The following MIEF2 variants were observed in gnomAD, a reference collection of about 807,000 sequenced individuals.
The protein encoded by MIEF2 is mitochondrial dynamics protein MID49.
Under a neutral mutation model 7.4 loss-of-function variants are expected in MIEF2, and 1 was observed. The ratio of observed to expected loss-of-function variants is 0.14; its 90% CI spans 0.05 to 0.64. The LOEUF (loss-of-function observed/expected upper bound fraction) is 0.64. Ranked by LOEUF, MIEF2 falls within the 30% of genes least tolerant of loss-of-function variation. The pLI, the probability that MIEF2 is intolerant of heterozygous loss-of-function variation, is 0.85. For missense variants in MIEF2, 569 were observed against 623.9 expected (o/e 0.91, Z 0.94); for synonymous variants, 275 against 290.5 (o/e 0.95, Z 0.54).
rs753366650 is a variant in MIEF2, at chr17:18,263,905, C to G, written c.506C>G (p.Pro169Arg). 1 of 1,601,414 alleles carries G rather than the reference C, an allele frequency of 6.2e-7. No individual in the cohort carries two copies. Among genetic ancestry groups the G allele is most frequent in the Non-Finnish European group, 8.5e-7 (1 of 1,179,416 alleles). The change falls in exon 4 of 4, where the codon CCG becomes CGG. Residue 169 changes from proline (P) to arginine (R), a missense_variant. Coordinates refer to ENST00000323019, the MANE Select transcript of MIEF2 (RefSeq NM_139162.4). ...CAGGCCTACTTTCGGAGCAAGTTCCCGGAACTGCCCTTTGGGGCATTCGTG... is the reference window on the plus strand; with the variant it reads ...CAGGCCTACTTTCGGAGCAAGTTCCGGGAACTGCCCTTTGGGGCATTCGTG... ...ELQAYFRSKF[P>R]ELPFGAFVPG...
Position 18,264,694 on chromosome 17 carries a change from G to A in MIEF2, c.1295G>A (p.Arg432His), listed in dbSNP as rs759887808. 8.1e-6 allele frequency: 13 copies of A among 1,612,706 alleles called. No homozygotes were observed. Among genetic ancestry groups the A allele is most frequent in the Admixed American group, 1.7e-5 (1 of 59,988 alleles). Reference sequence around the variant, plus strand: ...AGCGTGAACCTCTTCAGCAGCTTGCGTGAGGAGGAGATTGACGACATTGGC... The same window carrying A: ...AGCGTGAACCTCTTCAGCAGCTTGCATGAGGAGGAGATTGACGACATTGGC... ...NPSVNLFSSL[R>H]EEEIDDIGYA... is the part of the protein sequence containing the mutation. The change falls in exon 4 of 4, where the codon CGT becomes CAT. Residue 432 changes from arginine (R) to histidine (H), a missense_variant. Physicochemically the swap from Arg to His is conservative, Grantham distance 29. Transcript: ENST00000323019.
Position 18,263,896 on chromosome 17 carries a change from G to T in MIEF2, c.497G>T (p.Ser166Ile). ...IALELQAYFRSKFPELPFGAF... is the reference protein window; with the variant it reads ...IALELQAYFRIKFPELPFGAF... ...CTGGAGCTGCAGGCCTACTTTCGGA[G>T]CAAGTTCCCGGAACTGCCCTTTGGG... The change falls in exon 4 of 4, where the codon AGC (serine) becomes ATC (isoleucine). Residue 166 changes from serine to isoleucine, a missense_variant. Transcript: ENST00000323019. The T allele has an allele frequency of 6.2e-7, 1 of 1,602,180 alleles. No individual in the cohort carries two copies.
intron 3 of MIEF2, chr17:18,263,490 T>G (rs779384441): frequency 3.5e-5 from 29 of 832,458 alleles, no homozygotes; most frequent in Middle Eastern, 2.2e-4. Context: ...ACCTACCTAC[T>G]CTGCATGAAG....
rs1358688250 is a variant in MIEF2 at position 18,264,402 on chromosome 17, T to C, written c.1003T>C (p.Tyr335His). 4.4e-6 allele frequency: 7 copies of C among 1,601,208 alleles called. No individual in the cohort carries two copies. Among genetic ancestry groups the C allele is most frequent in the Non-Finnish European group, 5.1e-6 (6 of 1,179,818 alleles). ...LAGNLWLQDL[Y>H]PVEAARLRAL... is the part of the protein sequence containing the mutation. ...GGGGAACCTCTGGCTGCAGGACCTGTATCCAGTGGAGGCTGCTAGGCTGCG... is the reference window on the plus strand; with the variant it reads ...GGGGAACCTCTGGCTGCAGGACCTGCATCCAGTGGAGGCTGCTAGGCTGCG... Residue 335 changes from tyrosine to histidine, a missense_variant, in exon 4 of 4, where the codon TAT (tyrosine) becomes CAT (histidine). By Grantham distance (83) the Tyr-to-His change is moderately conservative. Coordinates refer to ENST00000323019, the MANE Select transcript of MIEF2 (RefSeq NM_139162.4).
chr17:18,263,267 CCT>C lies in MIEF2; in HGVS notation c.310+22_310+23del, dbSNP rs1435057871. ...GCCCCAGGTGAGTGGCACTCCTTCC[CCT>C]CTTTTGGTGTCACATTCAAGAGACG... On this transcript the variant is annotated intron_variant, in intron 3 of 3. Coordinates refer to ENST00000323019, the MANE Select transcript of MIEF2 (RefSeq NM_139162.4). 4 of 1,613,796 alleles carry C rather than the reference CCT, an allele frequency of 2.5e-6. No individual in the cohort carries two copies.
rs756362078 is a variant in MIEF2, at chr17:18,263,964, G to A, written c.565G>A (p.Gly189Arg). 5.2e-5 allele frequency: 83 copies of A among 1,582,986 alleles called. No homozygotes were observed. Among genetic ancestry groups the A allele is most frequent in the Admixed American group, 2.0e-4 (12 of 59,050 alleles). Reference protein sequence around the residue: ...GGPLYDGLQAGAADHVRLLVP... With the variant: ...GGPLYDGLQARAADHVRLLVP... The stretch of plus-strand genomic sequence containing the variant: ...GCCGCTCTACGACGGGCTGCAGGCG[G>A]GGGCTGCGGACCATGTGCGTCTCCT... The change falls in exon 4 of 4, where the codon GGG becomes AGG. Residue 189 changes from glycine (G) to arginine (R), a missense_variant. Gly to Arg is a moderately radical substitution (Grantham distance 125). Coordinates refer to ENST00000323019, the MANE Select transcript of MIEF2 (RefSeq NM_139162.4).
At chr17:18,262,909 A>T in intron 2 of MIEF2, 42 bp downstream of exon 2, 2 of 1,525,266 alleles carry the variant, frequency 1.3e-6, no homozygotes, top group Non-Finnish European at 1.8e-6. Flanking sequence ...CTCCTAGAGG[A>T]GGACAACAGG....
At position 18,262,887 on chromosome 17, in the gene MIEF2, T is replaced by G; in HGVS notation, c.147+20T>G. ...AAGCGGGTAAGGCCAAGTGGGCGGG[T>G]CATGCCTGAAGCTCCTAGAGGAGGA... On this transcript the variant is annotated intron_variant, in intron 2 of 3. Transcript: ENST00000323019. 1 of 1,530,746 alleles carries G rather than the reference T, an allele frequency of 6.5e-7. No homozygotes were observed. The highest frequency in any genetic ancestry group is 8.8e-7 in the Non-Finnish European group (1 of 1,138,792). The allele number at this position is 1,530,746 out of a possible 1,614,324, so 94.8% of individuals were successfully genotyped here.
Position 18,264,068 on chromosome 17 carries a change from G to A in MIEF2, c.669G>A (p.Trp223Ter). The A allele has an allele frequency of 6.4e-7, 1 of 1,553,710 alleles. No individual in the cohort carries two copies. The highest frequency in any genetic ancestry group is 8.7e-7 in the Non-Finnish European group (1 of 1,154,536). Residue 223 changes from tryptophan to a stop codon, truncating the protein, a stop_gained, in exon 4 of 4, where the codon TGG becomes TGA. Coordinates refer to ENST00000323019, the MANE Select transcript of MIEF2 (RefSeq NM_139162.4). LOFTEE classifies it low-confidence loss of function (END_TRUNC). The part of the protein sequence containing the change: ...VDTVARDPRC[W>*]AVRRTQLEFC... ...CTGTGGCGAGGGACCCTCGCTGCTG[G>A]GCCGTGCGCAGGACGCAGCTTGAGT...
At chr17:18,263,578 T>C (rs1265943635) in intron 3 of MIEF2, 132 bp from the exon 4 acceptor site, 3 of 1,221,290 alleles carry the variant, frequency 2.5e-6, no homozygotes, top group Non-Finnish European at 3.3e-6. Context: ...GGATCTGAAC[T>C]GAGTGCCTTC....
rs1460207448 is a variant in MIEF2, at chr17:18,265,744, A to G, written c.*980A>G. On this transcript the variant is annotated 3_prime_UTR_variant, in exon 4 of 4. Coordinates refer to ENST00000323019, the MANE Select transcript of MIEF2 (RefSeq NM_139162.4). ...AACGAAGCTCAGCTTCGAAGATGTG[A>G]ACAAGAATAAAAGGAAAAAATTCTA... 6.6e-6 allele frequency: 1 copy of G among 152,486 alleles called. No individual in the cohort carries two copies. The highest frequency in any genetic ancestry group is 1.5e-5 in the Non-Finnish European group (1 of 68,046). The allele number at this position is 152,486 out of a possible 1,614,324, so 9.4% of individuals were successfully genotyped here.
In MIEF2 at chr17:18,263,789, G is replaced by T. The variant is rs751589813; in HGVS notation, c.390G>T (p.Arg130Ser). The T allele has an allele frequency of 6.2e-7, 1 of 1,610,920 alleles. No individual in the cohort carries two copies. The highest frequency in any genetic ancestry group is 8.5e-7 in the Non-Finnish European group (1 of 1,179,704). Residue 130 changes from arginine (R) to serine (S), a missense_variant, in exon 4 of 4, where the codon AGG (arginine) becomes AGT (serine). By Grantham distance (110) the Arg-to-Ser change is moderately radical. Coordinates refer to ENST00000323019, the MANE Select transcript of MIEF2 (RefSeq NM_139162.4). ...CGCTGTGTCTGACACTGCAGGAGAG[G>T]CTGCTGGCCTTCGAGCGGGACCGTG... Reference protein sequence around the residue: ...PAPLCLTLQERLLAFERDRVT... With the variant: ...PAPLCLTLQESLLAFERDRVT...
chr17:18,263,396 T>C (rs765116356), intron 3 of MIEF2, 148 bp downstream of exon 3: 1 of 1,180,020 alleles, frequency 8.5e-7, no homozygotes, highest in African/African-American at 1.5e-5. Context: ...GGTGTTTCTT[T>C]GCCCTGTTCC....
chr17:18,261,519 T>A (rs1978415276), intron 1 of MIEF2, among the ~76,000 whole-genome samples: 1 of 151,876 alleles, frequency 6.6e-6, no homozygotes, highest in Non-Finnish European at 1.5e-5. Context: ...CCCGGGAGAG[T>A]TCTGCTTGGT....
intron 1 of MIEF2, chr17:18,261,217 G>C (rs1236559407): frequency 6.5e-7 from 1 of 1,540,452 alleles, no homozygotes; most frequent in Non-Finnish European, 8.8e-7. Context: ...GGTCTCTCTG[G>C]GGGCGGGTGG....
chr17:18,263,868 G>A lies in MIEF2; in HGVS notation c.469G>A (p.Ala157Thr), dbSNP rs770837831. 8.1e-6 allele frequency: 13 copies of A among 1,604,428 alleles called. No individual in the cohort carries two copies. The highest frequency in any genetic ancestry group is 1.6e-4 in the Middle Eastern group (1 of 6,084). ...ALAKQLAGDI[A>T]LELQAYFRSK... Reference sequence around the variant, plus strand: ...GGCCAAACAGCTGGCTGGCGACATCGCCCTGGAGCTGCAGGCCTACTTTCG... The same window carrying A: ...GGCCAAACAGCTGGCTGGCGACATCACCCTGGAGCTGCAGGCCTACTTTCG... The change falls in exon 4 of 4, where the codon GCC becomes ACC. Residue 157 changes from alanine (A) to threonine (T), a missense_variant. Transcript: ENST00000323019.
Position 18,263,100 on chromosome 17 carries a change from C to T in MIEF2, c.162C>T (p.Ala54=), listed in dbSNP as rs770678139. ...TGTGCTTGCAGTTCATTGACAGGGC[C>T]ACTAGCCCGCGGGATGAGGATGACA... is the stretch of plus-strand genomic sequence containing the variant. ...TLAVKRFIDR[A]TSPRDEDDTK... The change falls in exon 3 of 4, where the codon GCC becomes GCT. Residue 54 remains alanine, a synonymous_variant. Transcript: ENST00000323019. 1 of 1,613,214 alleles carries T rather than the reference C, an allele frequency of 6.2e-7. No individual in the cohort carries two copies. Among genetic ancestry groups the T allele is most frequent in the African/African-American group, 1.3e-5 (1 of 74,930 alleles).
chr17:18,266,343 C>T lies in MIEF2; in HGVS notation c.*1579C>T, dbSNP rs1178884782. ...GCTGACCAACGTGGAGAAACTCCAT[C>T]TCTGGTAAAAATTCAAAAAAATTAG... On this transcript the variant is annotated 3_prime_UTR_variant, in exon 4 of 4. Coordinates refer to ENST00000323019, the MANE Select transcript of MIEF2 (RefSeq NM_139162.4). 1 of 150,628 alleles carries T rather than the reference C, an allele frequency of 6.6e-6. No homozygotes were observed. Among genetic ancestry groups the T allele is most frequent in the African/African-American group, 2.4e-5 (1 of 40,820 alleles). 9.3% of individuals were successfully genotyped at this position (150,628 alleles called of 1,614,324 possible). A position where few individuals can be genotyped will look rare whatever the true frequency, so the allele number is the denominator to read the frequency against.
chr17:18,261,850 G>C (rs183547565), intron 1 of MIEF2, among the ~76,000 whole-genome samples: 1 of 152,222 alleles, frequency 6.6e-6, no homozygotes, highest in Non-Finnish European at 1.5e-5. Flanking sequence ...GGCCCAGAGA[G>C]CCCCCTGTAC....
Sources: allele counts gnomAD v4.1 joint callset (sites outside exome capture counted in the v4.1 genomes callset), GRCh38; gene constraint gnomAD v4.1.1; transcripts MANE v1.5; gene names NCBI Gene and HGNC (gene_info 2026-07-23, HGNC 2026-07-21).